BBS9: variants seen among roughly 807,000 people sequenced by gnomAD.
BBS9 encodes the protein Bardet-Biedl syndrome 9, also known as protein PTHB1.
A neutral mutation model predicts 117.7 loss-of-function variants in BBS9; 89 were observed. The ratio of observed to expected loss-of-function variants is 0.76; its 90% CI spans 0.64 to 0.90. The LOEUF (loss-of-function observed/expected upper bound fraction) is 0.90. BBS9 is among the 40% of genes least tolerant of loss of function. The pLI, the probability that BBS9 is intolerant of heterozygous loss-of-function variation, is 0.00. For missense variants in BBS9, 982 were observed against 1,042.2 expected, an observed-to-expected ratio of 0.94 and a Z score of 0.80; for synonymous variants, 379 against 370.9, an observed-to-expected ratio of 1.02 and a Z score of -0.25.
At chr7:33,296,679 C>A (rs895046873) in intron 9 of BBS9, among the ~76,000 whole-genome samples, 1 of 152,126 alleles carries the variant, frequency 6.6e-6, no homozygotes, top group African/African-American at 2.4e-5. Context: ...TACTGACCAA[C>A]CTTTGACTTC....
chr7:33,253,642 C>G lies in BBS9; in HGVS notation c.443-3594C>G, dbSNP rs1051779122. The stretch of plus-strand genomic sequence containing the variant: ...AAAACAAAAAGATGTTTATTTCTGT[C>G]GTGTTTAACCATCTGGAGATAAAGG... On this transcript the variant is annotated intron_variant, in intron 5 of 22. Coordinates refer to ENST00000242067, the MANE Select transcript of BBS9 (RefSeq NM_198428.3). Among the ~76,000 whole-genome samples, 6 of 152,198 alleles carry G rather than the reference C, an allele frequency of 3.9e-5. No homozygotes were observed. The South Asian group carries it at 6.2e-4, about 16-fold the overall frequency.
At chr7:33,473,759 T>C (rs766559588) in intron 19 of BBS9, among the ~76,000 whole-genome samples, 1 of 152,212 alleles carries the variant, frequency 6.6e-6, no homozygotes, top group Non-Finnish European at 1.5e-5. Flanking sequence ...CTCCTCTGCA[T>C]TTCCATAAAA....
chr7:33,262,411 C>T (rs1251511910), intron 6 of BBS9, among the ~76,000 whole-genome samples: 2 of 152,104 alleles, frequency 1.3e-5, no homozygotes, highest in East Asian at 3.9e-4. Context: ...AACTAATTGC[C>T]TAGGGTTAGA....
chr7:33,438,757 T>C (rs926588109), intron 19 of BBS9, among the ~76,000 whole-genome samples: 4 of 152,208 alleles, frequency 2.6e-5, no homozygotes, highest in African/African-American at 9.6e-5. Context: ...TTGGGCTATA[T>C]ACATGCTAAT....
chr7:33,323,362 C>A (rs1023863928), intron 9 of BBS9, among the ~76,000 whole-genome samples: 1 of 152,100 alleles, frequency 6.6e-6, no homozygotes, highest in Admixed American at 6.5e-5. Context: ...TTACAGGGTT[C>A]TACCTTTGTC....
intron 19 of BBS9, among the ~76,000 whole-genome samples, chr7:33,392,419 G>T (rs1177081639): frequency 6.6e-6 from 1 of 152,128 alleles, no homozygotes; most frequent in Non-Finnish European, 1.5e-5. Flanking sequence ...AAATAATTGG[G>T]CCACTTGTCT....
chr7:33,266,998 C>T (rs1214137793), intron 7 of BBS9, among the ~76,000 whole-genome samples: 2 of 152,116 alleles, frequency 1.3e-5, no homozygotes, highest in African/African-American at 2.4e-5. Context: ...CTGCCTTGGC[C>T]TCCCAAAGTG....
chr7:33,246,694 C>T (rs565154015), intron 5 of BBS9, among the ~76,000 whole-genome samples: 5 of 151,986 alleles, frequency 3.3e-5, no homozygotes, highest in Admixed American at 6.6e-5. Flanking sequence ...CTAAAGTACA[C>T]GGGTTCTTCT....
At chr7:33,499,593 T>G (rs1845175305) in intron 19 of BBS9, among the ~76,000 whole-genome samples, 1 of 152,180 alleles carries the variant, frequency 6.6e-6, no homozygotes, top group African/African-American at 2.4e-5. Flanking sequence ...TAGAATTAGT[T>G]TCACATATTG....
At chr7:33,138,213 A>C (rs1790852622) in intron 1 of BBS9, among the ~76,000 whole-genome samples, 1 of 151,584 alleles carries the variant, frequency 6.6e-6, no homozygotes, top group African/African-American at 2.4e-5. Flanking sequence ...CATGTAACTT[A>C]TCTGGGCCTC....
intron 5 of BBS9, among the ~76,000 whole-genome samples, chr7:33,202,609 C>T (rs556992843): frequency 3.9e-5 from 6 of 152,138 alleles, no homozygotes; most frequent in African/African-American, 1.2e-4. Flanking sequence ...GAAGCAGGCA[C>T]GTCTTACATG....
chr7:33,321,493 A>T (rs917097201), intron 9 of BBS9, among the ~76,000 whole-genome samples: 4 of 151,940 alleles, frequency 2.6e-5, no homozygotes, highest in Non-Finnish European at 2.9e-5. Flanking sequence ...TAGCTTTTGT[A>T]AATGGGATTA....
intron 19 of BBS9, among the ~76,000 whole-genome samples, chr7:33,470,823 G>A (rs1357018650): frequency 2.6e-5 from 4 of 152,148 alleles, no homozygotes; most frequent in Non-Finnish European, 5.9e-5. Context: ...GCAGCTAAAT[G>A]GACATCCTGA....
intron 9 of BBS9, among the ~76,000 whole-genome samples, chr7:33,313,036 GGTGTGT>G (rs5883397): frequency 3.3e-4 from 49 of 148,038 alleles, no homozygotes; most frequent in East Asian, 6.0e-4. Context: ...TGTACTCTGT[GGTGTGT>G]GTGTGTGTGT....
intron 19 of BBS9, among the ~76,000 whole-genome samples, chr7:33,404,583 A>G (rs1178770650): frequency 7.3e-5 from 11 of 151,720 alleles, no homozygotes; most frequent in South Asian, 6.3e-4. Flanking sequence ...TGGATTCCTA[A>G]GTATTTTATT....
chr7:33,190,248 C>T (rs1041858193), intron 5 of BBS9, among the ~76,000 whole-genome samples: 1 of 151,662 alleles, frequency 6.6e-6, no homozygotes, highest in Non-Finnish European at 1.5e-5. Flanking sequence ...GCCTCCTGAG[C>T]AGCTGGGTCC....
intron 5 of BBS9, among the ~76,000 whole-genome samples, chr7:33,180,308 TG>T (rs1470675276): frequency 6.6e-6 from 1 of 152,070 alleles, no homozygotes; most frequent in Non-Finnish European, 1.5e-5. Flanking sequence ...CTCTCACCAT[TG>T]CTCCATCTGC....
At chr7:33,353,804 T>C (rs1819130902) in intron 15 of BBS9, among the ~76,000 whole-genome samples, 2 of 152,086 alleles carry the variant, frequency 1.3e-5, no homozygotes, top group Admixed American at 6.6e-5. Flanking sequence ...GGAAGTTATA[T>C]ATATATTTAT....
chr7:33,408,866 A>C lies in BBS9; in HGVS notation c.2115+20722A>C, dbSNP rs116514608. ...CCCTTTTCTCTGCAGTCTCACAAGT[A>C]TCTGTTATTTTTTGACTTTTTAACA... On this transcript the variant is annotated intron_variant, in intron 19 of 22. Transcript: ENST00000242067. Among the ~76,000 whole-genome samples, 1,101 of 152,274 alleles carry C rather than the reference A, an allele frequency of 7.2e-3. 14 individuals are homozygous for C. The highest frequency in any genetic ancestry group is 0.024 in the African/African-American group (1,007 of 41,548).
Sources: gnomAD v4.1 joint callset for allele counts (sites outside exome capture counted in the v4.1 genomes callset) on GRCh38, gnomAD v4.1.1 for gene constraint, MANE v1.5 for transcripts, NCBI Gene and HGNC (gene_info 2026-07-23, HGNC 2026-07-21) for gene names.